The following SLC2A13 variants were observed in gnomAD, a reference collection of about 807,000 sequenced individuals.
The protein encoded by SLC2A13 is solute carrier family 2 member 13, also known as proton myo-inositol cotransporter.
Under a neutral mutation model 64.4 loss-of-function variants are expected in SLC2A13, and 32 were observed. The observed-to-expected ratio is 0.50, with a 90% CI of 0.37 to 0.67. SLC2A13 has a LOEUF of 0.67. Among genes scored for constraint, SLC2A13 ranks in the 30% least tolerant of loss-of-function variants. The pLI is 0.00. For missense variants in SLC2A13, 743 were observed against 829.2 expected, an observed-to-expected ratio of 0.90 and a Z score of 1.28; for synonymous variants, 338 against 327.1, an observed-to-expected ratio of 1.03 and a Z score of -0.36.
At chr12:39,981,125 A>C (rs1167328718) in intron 3 of SLC2A13, among the ~76,000 whole-genome samples, 3 of 151,222 alleles carry the variant, frequency 2.0e-5, no homozygotes, top group Non-Finnish European at 4.4e-5. Flanking sequence ...TTTGAAACCA[A>C]CGAGAACAAA....
At chr12:40,093,029 C>T (rs912917720) in intron 1 of SLC2A13, among the ~76,000 whole-genome samples, 6 of 151,914 alleles carry the variant, frequency 3.9e-5, no homozygotes, top group African/African-American at 1.5e-4. Context: ...TCCACTGTCA[C>T]ATCTAAGTGT....
rs1270140750 is a variant in SLC2A13, at chr12:40,105,020, G to A, written c.556+233C>T. On this transcript the variant is annotated intron_variant, in intron 1 of 9. Transcript: ENST00000280871. The surrounding 1 kb of genome is among the most constrained non-coding windows in gnomAD (Gnocchi z 4.2). ...GTCCGTGGCCTATCAAAGATTCCACGTGCGCTCGAGGGAGACTAGAGTGAC... is the reference window on the plus strand; with the variant it reads ...GTCCGTGGCCTATCAAAGATTCCACATGCGCTCGAGGGAGACTAGAGTGAC... Among the ~76,000 whole-genome samples, 1 of 152,154 alleles carries A rather than the reference G, an allele frequency of 6.6e-6. No homozygotes were observed. Among genetic ancestry groups the A allele is most frequent in the African/African-American group, 2.4e-5 (1 of 41,438 alleles).
At chr12:39,974,484 C>A (rs991553420) in intron 3 of SLC2A13, among the ~76,000 whole-genome samples, 7 of 152,210 alleles carry the variant, frequency 4.6e-5, no homozygotes, top group African/African-American at 1.7e-4. Flanking sequence ...ACAAGGCATA[C>A]ACTCAACAGC....
intron 3 of SLC2A13, among the ~76,000 whole-genome samples, chr12:39,985,729 G>A (rs1947019010): frequency 6.6e-6 from 1 of 152,100 alleles, no homozygotes; most frequent in African/African-American, 2.4e-5. Flanking sequence ...TTAAATGCCA[G>A]ACTTGAGATC....
intron 1 of SLC2A13, among the ~76,000 whole-genome samples, chr12:40,067,504 A>C (rs1381796345): frequency 7.0e-6 from 1 of 142,028 alleles, no homozygotes; most frequent in Admixed American, 6.9e-5. Flanking sequence ...TTATTTAAAC[A>C]TAATAAACAT....
chr12:39,828,869 T>C (rs1942767653), intron 7 of SLC2A13, among the ~76,000 whole-genome samples: 1 of 152,176 alleles, frequency 6.6e-6, no homozygotes, highest in South Asian at 2.1e-4. Flanking sequence ...TGAGTGTTCA[T>C]TTAAAACACT....
intron 6 of SLC2A13, among the ~76,000 whole-genome samples, chr12:39,864,516 G>C (rs1943851479): frequency 6.6e-6 from 1 of 152,068 alleles, no homozygotes; most frequent in African/African-American, 2.4e-5. Context: ...TTAATTTCCA[G>C]AGAAACATCA....
At chr12:39,947,805 C>T (rs1043359619) in intron 4 of SLC2A13, among the ~76,000 whole-genome samples, 5 of 151,344 alleles carry the variant, frequency 3.3e-5, no homozygotes, top group African/African-American at 7.3e-5. Context: ...GGACTACAGG[C>T]GCCCGCCACT....
intron 4 of SLC2A13, among the ~76,000 whole-genome samples, chr12:39,931,477 ATC>A (rs1227708443): frequency 6.6e-6 from 1 of 152,188 alleles, no homozygotes; most frequent in Admixed American, 6.5e-5. Flanking sequence ...CCTCCTGAGT[ATC>A]TGTGTTCCTT....
chr12:39,892,966 CAG>C (rs1944649204), intron 4 of SLC2A13, among the ~76,000 whole-genome samples: 1 of 152,156 alleles, frequency 6.6e-6, no homozygotes, highest in African/African-American at 2.4e-5. Flanking sequence ...ACCATATAAT[CAG>C]AAATAAAATT....
chr12:39,972,307 A>C (rs1458415434), intron 3 of SLC2A13, among the ~76,000 whole-genome samples: 1 of 151,986 alleles, frequency 6.6e-6, no homozygotes, highest in Non-Finnish European at 1.5e-5. Flanking sequence ...TTCTATTGCG[A>C]AATGATCTCC....
At chr12:39,909,754 G>A (rs1945380809) in intron 4 of SLC2A13, among the ~76,000 whole-genome samples, 2 of 151,982 alleles carry the variant, frequency 1.3e-5, no homozygotes, top group South Asian at 4.1e-4. Flanking sequence ...GTGCTAGTGA[G>A]ACATATAGGA....
At chr12:40,024,119 G>T (rs1401248741) in intron 3 of SLC2A13, among the ~76,000 whole-genome samples, 1 of 152,102 alleles carries the variant, frequency 6.6e-6, no homozygotes, top group Non-Finnish European at 1.5e-5. Flanking sequence ...TGTATCTGTT[G>T]ATAATACAGG....
intron 7 of SLC2A13, among the ~76,000 whole-genome samples, chr12:39,772,631 A>C (rs1940625047): frequency 6.6e-6 from 1 of 152,200 alleles, no homozygotes; most frequent in African/African-American, 2.4e-5. Context: ...GAAAGAAAAA[A>C]GAAAGGCAGG....
At chr12:39,872,874 T>G (rs1944091243) in intron 4 of SLC2A13, among the ~76,000 whole-genome samples, 2 of 152,348 alleles carry the variant, frequency 1.3e-5, no homozygotes, top group South Asian at 4.1e-4. Flanking sequence ...TTCAAGCCAT[T>G]CTAAAACAAG....
chr12:39,886,989 C>G (rs796683794), intron 4 of SLC2A13, among the ~76,000 whole-genome samples: 64 of 152,234 alleles, frequency 4.2e-4, no homozygotes, highest in African/African-American at 1.5e-3. Context: ...AGAGGCAATA[C>G]TAAACATTTT....
chr12:39,907,622 C>T (rs1945322172), intron 4 of SLC2A13: 1 of 152,082 alleles, frequency 6.6e-6, no homozygotes, highest in Non-Finnish European at 1.5e-5. Context: ...ATTACAATTC[C>T]TCTACCCATA....
chr12:39,918,948 A>G (rs1945566929), intron 4 of SLC2A13, among the ~76,000 whole-genome samples: 1 of 151,496 alleles, frequency 6.6e-6, no homozygotes, highest in Non-Finnish European at 1.5e-5. Flanking sequence ...GCACACACAC[A>G]CACACACACG....
At chr12:40,104,939 G>A (rs1387343472) in intron 1 of SLC2A13, among the ~76,000 whole-genome samples, 1 of 152,176 alleles carries the variant, frequency 6.6e-6, no homozygotes, top group Non-Finnish European at 1.5e-5. Context: ...GGAAAGAGCT[G>A]GTGCTCAGCT....
Sources: gnomAD v4.1 joint callset for allele counts (sites outside exome capture counted in the v4.1 genomes callset) on GRCh38, gnomAD v4.1.1 for gene constraint, Gnocchi (gnomAD v3.1) non-coding constraint, MANE v1.5 for transcripts, NCBI Gene and HGNC (gene_info 2026-07-23, HGNC 2026-07-21) for gene names.